Variants in ITGB5 observed in about 807,000 individuals in gnomAD.
ITGB5 encodes the protein integrin subunit beta 5, also known as integrin beta-5.
Under a neutral mutation model 84.8 loss-of-function variants are expected in ITGB5, and 38 were observed. The ratio of observed to expected loss-of-function variants is 0.45; its 90% CI spans 0.35 to 0.59. ITGB5 has a LOEUF of 0.59. Ranked by LOEUF, ITGB5 falls within the 20% of genes least tolerant of loss-of-function variation. The pLI is 0.01. For synonymous variants in ITGB5, 393 were observed against 414.4 expected (o/e 0.95, Z 0.63); for missense variants, 905 against 1,034.5 (o/e 0.87, Z 1.72).
chr3:124,794,619 TAAA>T (rs746261593), intron 10 of ITGB5, among the ~76,000 whole-genome samples: 1 of 144,564 alleles, frequency 6.9e-6, no homozygotes. Flanking sequence ...CATATCTATT[TAAA>T]AAAAAAAAAA....
intron 12 of ITGB5, among the ~76,000 whole-genome samples, chr3:124,768,377 G>T (rs905983212): frequency 3.3e-5 from 5 of 152,172 alleles, no homozygotes; most frequent in Admixed American, 2.6e-4. Context: ...CATCACCACA[G>T]AAAGAAATCC....
intron 1 of ITGB5, 51 bp downstream of exon 1, chr3:124,886,880 G>T: frequency 1.8e-6 from 2 of 1,137,906 alleles, no homozygotes; most frequent in South Asian, 4.4e-5. Context: ...GCCCGCCCGC[G>T]GCTGAGTGTG....
intron 9 of ITGB5, among the ~76,000 whole-genome samples, chr3:124,806,583 G>A (rs2064408294): frequency 6.6e-6 from 1 of 151,622 alleles, no homozygotes; most frequent in Admixed American, 6.6e-5. Flanking sequence ...ACAGGTACCC[G>A]CCATCACTCC....
intron 5 of ITGB5, among the ~76,000 whole-genome samples, chr3:124,827,911 G>A (rs1409919440): frequency 3.2e-5 from 4 of 126,248 alleles, no homozygotes; most frequent in African/African-American, 1.3e-4. Context: ...CCCCACCCCT[G>A]CCAGCCAGAG....
At chr3:124,891,222 C>T (rs1021715396), upstream of ITGB5, among the ~76,000 whole-genome samples, 1 of 152,114 alleles carries the variant, frequency 6.6e-6, no homozygotes, top group Non-Finnish European at 1.5e-5. Context: ...CTGGGTATAT[C>T]CTCCAAAAAA....
chr3:124,854,516 C>T (rs534245527), intron 3 of ITGB5, among the ~76,000 whole-genome samples: 1 of 152,164 alleles, frequency 6.6e-6, no homozygotes, highest in South Asian at 2.1e-4. Context: ...AAGACCCACA[C>T]ATTTTATGAC....
rs1185326112 is a variant in ITGB5 at position 124,887,338 on chromosome 3, G to C, written c.-338C>G. On this transcript the variant is annotated 5_prime_UTR_variant, in exon 1 of 15. Coordinates refer to ENST00000296181, the MANE Select transcript of ITGB5 (RefSeq NM_002213.5). ...TGGGCTCCGAGACGCGCCCAGCGCC[G>C]AGACTCCCCCGCGCGCCGGCACACT... is the stretch of plus-strand genomic sequence containing the variant. 6.5e-6 allele frequency: 1 copy of C among 153,544 alleles called. No individual in the cohort carries two copies. Among genetic ancestry groups the C allele is most frequent in the Non-Finnish European group, 1.4e-5 (1 of 69,092 alleles). The allele number at this position is 153,544 out of a possible 1,614,324, so 9.5% of individuals were successfully genotyped here. A position where few individuals can be genotyped will look rare whatever the true frequency, so the allele number is the denominator to read the frequency against.
intron 5 of ITGB5, among the ~76,000 whole-genome samples, chr3:124,833,825 GTCCCTGCCTTCAGGGAGTTTAC>G (rs1373638279): frequency 6.6e-6 from 1 of 152,190 alleles, no homozygotes; most frequent in African/African-American, 2.4e-5. Flanking sequence ...AAAAGACATA[GTCCCTGCCTTCAGGGAGTTTAC>G]TATCTCAAAG....
chr3:124,836,769 T>C (rs1401705097), intron 5 of ITGB5, among the ~76,000 whole-genome samples: 1 of 152,202 alleles, frequency 6.6e-6, no homozygotes, highest in African/African-American at 2.4e-5. Context: ...TTAGATAAGA[T>C]ATTCTGGCCA....
chr3:124,884,653 G>T (rs1579343122), intron 1 of ITGB5, among the ~76,000 whole-genome samples: 1 of 151,780 alleles, frequency 6.6e-6, no homozygotes, highest in Non-Finnish European at 1.5e-5. Flanking sequence ...TCATGCCACT[G>T]TACACCATCC....
intron 8 of ITGB5, among the ~76,000 whole-genome samples, chr3:124,813,653 G>A (rs2064539846): frequency 6.6e-6 from 1 of 152,236 alleles, no homozygotes. Flanking sequence ...TAGATGAAGA[G>A]AAACAGGGCA....
intron 5 of ITGB5, among the ~76,000 whole-genome samples, chr3:124,838,791 CG>C (rs2064973204): frequency 6.6e-6 from 1 of 152,160 alleles, no homozygotes; most frequent in East Asian, 1.9e-4. Context: ...TTAGTAGAGA[CG>C]GGGTTTCACC....
chr3:124,897,013 T>C (rs1236046141), intron 1 of ITGB5, among the ~76,000 whole-genome samples: 1 of 152,026 alleles, frequency 6.6e-6, no homozygotes, highest in African/African-American at 2.4e-5. Flanking sequence ...AGGAATCAGA[T>C]TGCACAACTC....
At chr3:124,871,858 A>AAAT (rs1559980746) in intron 2 of ITGB5, among the ~76,000 whole-genome samples, 11 of 98,796 alleles carry the variant, frequency 1.1e-4, no homozygotes, top group Admixed American at 7.5e-4. Context: ...AATAAATAAT[A>AAAT]AATAAATAAA....
rs139786321 is a variant in ITGB5 at position 124,850,175 on chromosome 3, G to A, written c.362-1617C>T. On this transcript the variant is annotated intron_variant, in intron 3 of 14. Coordinates refer to ENST00000296181, the MANE Select transcript of ITGB5 (RefSeq NM_002213.5). ...CTATGCTTCCTCTCCTCCTCCCACC[G>A]TGACAACAAGGCATATTTCACTAAC... Among the ~76,000 whole-genome samples the A allele has an allele frequency of 1.2e-4, 18 of 151,870 alleles. No homozygotes were observed. The East Asian group carries it at 1.9e-3, about 16-fold the overall frequency.
chr3:124,854,655 T>C (rs114231678), intron 3 of ITGB5, among the ~76,000 whole-genome samples: 3,519 of 152,272 alleles, frequency 0.023, 57 homozygotes, highest in Non-Finnish European at 0.034. Context: ...GGGACTTCTT[T>C]TTGGAAAATG....
At chr3:124,864,539 C>T (rs1337871909) in intron 2 of ITGB5, among the ~76,000 whole-genome samples, 1 of 151,994 alleles carries the variant, frequency 6.6e-6, no homozygotes, top group Non-Finnish European at 1.5e-5. Flanking sequence ...AACAGAAAAC[C>T]AAATACTACG....
rs184739963 is a variant in ITGB5 at position 124,828,766 on chromosome 3, C to T, written c.781-7292G>A. ...CCAAAGTGCTGGGATTACACGCATG[C>T]GCCACCACACTGGGCCCAAATACTT... On this transcript the variant is annotated intron_variant, in intron 5 of 14. Coordinates refer to ENST00000296181, the MANE Select transcript of ITGB5 (RefSeq NM_002213.5). Among the ~76,000 whole-genome samples, 168 of 152,252 alleles carry T rather than the reference C, an allele frequency of 1.1e-3. 1 individual carries two copies. The highest frequency in any genetic ancestry group is 2.4e-3 in the Admixed American group (37 of 15,288).
chr3:124,762,228 A>G lies in ITGB5; in HGVS notation c.*1395T>C, dbSNP rs1196045821. 1.3e-5 allele frequency: 2 copies of G among 152,224 alleles called. No homozygotes were observed. Among genetic ancestry groups the G allele is most frequent in the African/African-American group, 2.4e-5 (1 of 41,460 alleles). 9.4% of individuals were successfully genotyped at this position (152,224 alleles called of 1,614,324 possible). On this transcript the variant is annotated 3_prime_UTR_variant, in exon 15 of 15. Transcript: ENST00000296181. ...AGGGGAATTGGGTCCAGAGCTGAGG[A>G]CAGATCCATTTGGAATGAAAGCATA...
Sources: gnomAD v4.1 joint callset for allele counts (sites outside exome capture counted in the v4.1 genomes callset) on GRCh38, gnomAD v4.1.1 for gene constraint, MANE v1.5 for transcripts, NCBI Gene and HGNC (gene_info 2026-07-23, HGNC 2026-07-21) for gene names.